LPA: variants seen among roughly 807,000 people sequenced by gnomAD.
LPA encodes the protein apolipoprotein(a).
Under a neutral mutation model 197.9 loss-of-function variants are expected in LPA, and 199 were observed. The observed-to-expected ratio is 1.01, with a 90% CI of 0.90 to 1.13. The LOEUF is 1.13. Among genes scored for constraint, LPA ranks in the 50% most tolerant of loss-of-function variants. The pLI is 0.00. For synonymous variants in LPA, 715 were observed against 639.5 expected (o/e 1.12, Z -1.78); for missense variants, 1,853 against 1,785.8 (o/e 1.04, Z -0.68).
At chr6:160,578,885 A>G (rs1778737428) in intron 26 of LPA, among the ~76,000 whole-genome samples, 181 bp from the exon 27 acceptor site, 1 of 152,246 alleles carries the variant, frequency 6.6e-6, no homozygotes, top group South Asian at 2.1e-4. Flanking sequence ...ACAACTGTGG[A>G]CACATCACAG....
intron 1 of LPA, among the ~76,000 whole-genome samples, chr6:160,659,689 G>A (rs1353695723): frequency 1.3e-5 from 2 of 152,186 alleles, no homozygotes; most frequent in African/African-American, 2.4e-5. Flanking sequence ...GAGAAGCACA[G>A]AGCCAACACT....
At chr6:160,609,646 C>A (rs928543373) in intron 16 of LPA, among the ~76,000 whole-genome samples, 2 of 152,088 alleles carry the variant, frequency 1.3e-5, no homozygotes, top group African/African-American at 4.8e-5. Flanking sequence ...CTACTCCAAA[C>A]TCCCTTGCTC....
In LPA at chr6:160,541,091, T is replaced by C. The variant is rs751136142; in HGVS notation, c.5594+16A>G. The C allele has an allele frequency of 1.2e-6, 2 of 1,612,292 alleles. No individual in the cohort carries two copies. Among genetic ancestry groups the C allele is most frequent in the Non-Finnish European group, 1.7e-6 (2 of 1,178,394 alleles). ...CTTGAAGATAAGACCCCATGTCAGT[T>C]TTCCCTTAAACGTACTTCTTCAAGC... is the stretch of plus-strand genomic sequence containing the variant. On this transcript the variant is annotated intron_variant, in intron 35 of 38. Coordinates refer to ENST00000316300, the MANE Select transcript of LPA (RefSeq NM_005577.4).
intron 36 of LPA, among the ~76,000 whole-genome samples, chr6:160,539,266 A>G (rs950046388): frequency 6.6e-6 from 1 of 152,186 alleles, no homozygotes; most frequent in Non-Finnish European, 1.5e-5. Flanking sequence ...CCTCTCCTAC[A>G]AATACTGTTT....
In LPA at chr6:160,548,520, T is replaced by C. The variant is rs1232923189; in HGVS notation, c.5113A>G (p.Thr1705Ala). The change falls in exon 31 of 39, where the codon ACT becomes GCT. Residue 1705 changes from threonine (T) to alanine (A), a missense_variant. By Grantham distance (58) the Thr-to-Ala change is moderately conservative. Coordinates refer to ENST00000316300, the MANE Select transcript of LPA (RefSeq NM_005577.4). ...CCTAGGCTTGGAACCTGGATGACAGTCGGAGGAGCGACCACAGTCCCTTCT... is the reference window on the plus strand; with the variant it reads ...CCTAGGCTTGGAACCTGGATGACAGCCGGAGGAGCGACCACAGTCCCTTCT... Reference protein sequence around the residue: ...DTEGTVVAPPTVIQVPSLGPP... With the variant: ...DTEGTVVAPPAVIQVPSLGPP... 2 of 1,613,988 alleles carry C rather than the reference T, an allele frequency of 1.2e-6. No homozygotes were observed. The highest frequency in any genetic ancestry group is 1.7e-6 in the Non-Finnish European group (2 of 1,179,992).
At position 160,540,194 on chromosome 6, in the gene LPA, T is replaced by C; in HGVS notation, c.5595-11A>G. ...GAAGGCCTTGAGGACCTAGAAAAGA[T>C]GAGGATGTCAAGAGAAAAATATGGT... On this transcript the variant is annotated splice_polypyrimidine_tract_variant and intron_variant, in intron 35 of 38. Transcript: ENST00000316300. 1.9e-6 allele frequency: 3 copies of C among 1,614,156 alleles called. No homozygotes were observed. The highest frequency in any genetic ancestry group is 1.1e-5 in the South Asian group (1 of 91,076).
At chr6:160,597,126 C>T (rs1285118479) in intron 20 of LPA, among the ~76,000 whole-genome samples, 1 of 152,152 alleles carries the variant, frequency 6.6e-6, no homozygotes, top group African/African-American at 2.4e-5. Context: ...ATGCTCCATG[C>T]ACACTTTAAT....
chr6:160,653,251 TAAC>T (rs1258700443), intron 1 of LPA, among the ~76,000 whole-genome samples: 7 of 152,186 alleles, frequency 4.6e-5, no homozygotes, highest in Admixed American at 4.6e-4. Context: ...TACACATGCC[TAAC>T]AACAGAGCTT....
chr6:160,545,376 G>GTTTTTTTTTTGT, intron 33 of LPA, 64 bp downstream of exon 33: 1 of 1,083,980 alleles, frequency 9.2e-7, no homozygotes. Flanking sequence ...TGTTTTTTTT[G>GTTTTTTTTTTGT]CTTTTTTTTT....
At chr6:160,603,592 C>T (rs111672621) in intron 18 of LPA, among the ~76,000 whole-genome samples, 1 of 152,092 alleles carries the variant, frequency 6.6e-6, no homozygotes, top group African/African-American at 2.4e-5. Context: ...TCATTTCTGT[C>T]ATTTCTAGGT....
intron 17 of LPA, among the ~76,000 whole-genome samples, chr6:160,606,095 G>A (rs1350562159): frequency 6.6e-6 from 1 of 152,218 alleles, no homozygotes; most frequent in East Asian, 1.9e-4. Context: ...CTGCAATGCT[G>A]AAGATTGCAC....
chr6:160,609,626 G>T (rs1416454129), intron 16 of LPA, among the ~76,000 whole-genome samples: 1 of 152,026 alleles, frequency 6.6e-6, no homozygotes, highest in Admixed American at 6.5e-5. Flanking sequence ...CGTGATTCCG[G>T]TATTTGTATC....
At chr6:160,553,495 A>G (rs2115008178) in intron 30 of LPA, among the ~76,000 whole-genome samples, 1 of 152,178 alleles carries the variant, frequency 6.6e-6, no homozygotes, top group Non-Finnish European at 1.5e-5. Flanking sequence ...ATGTCGTCCT[A>G]GGTTGATCTG....
intron 8 of LPA, among the ~76,000 whole-genome samples, chr6:160,631,972 T>G (rs1380756421): frequency 7.3e-6 from 1 of 137,258 alleles, no homozygotes; most frequent in South Asian, 2.1e-4. Context: ...TGCGTGTGTG[T>G]GAGTATGGGT....
At chr6:160,548,749 T>A in intron 30 of LPA, 90 bp from the exon 31 acceptor site, 1 of 1,345,168 alleles carries the variant, frequency 7.4e-7, no homozygotes, top group Non-Finnish European at 1.1e-6. Flanking sequence ...AACAAAGTCT[T>A]AACAAGTGTC....
rs770935162 is a variant in LPA, at chr6:160,600,960, C to T, written c.3084G>A (p.Pro1028=). Reference sequence around the variant, plus strand: ...CTAGGCTTGGAGCCAGAATAACATTCGGAGGGACGAAGGCAGTCCATTCTG... The same window carrying T: ...CTAGGCTTGGAGCCAGAATAACATTTGGAGGGACGAAGGCAGTCCATTCTG... The part of the protein sequence containing the change: ...SDAEWTAFVP[P]NVILAPSLEA... Residue 1028 remains proline, a synonymous_variant, in exon 19 of 39, where the codon CCG becomes CCA. Transcript: ENST00000316300. The T allele has an allele frequency of 3.7e-6, 6 of 1,613,418 alleles. No individual in the cohort carries two copies. The highest frequency in any genetic ancestry group is 2.7e-5 in the African/African-American group (2 of 74,898).
At chr6:160,609,346 T>C (rs1398005980) in intron 16 of LPA, among the ~76,000 whole-genome samples, 2 of 152,132 alleles carry the variant, frequency 1.3e-5, no homozygotes, top group Admixed American at 1.3e-4. Context: ...ATCATTTTAA[T>C]AATATTCCCT....
intron 29 of LPA, 41 bp from the exon 30 acceptor site, chr6:160,556,225 C>T (rs369328247): frequency 6.2e-7 from 1 of 1,602,088 alleles, no homozygotes; most frequent in Non-Finnish European, 8.5e-7. Context: ...TACTAGTATG[C>T]AGAAACATGT....
intron 28 of LPA, 137 bp downstream of exon 28, chr6:160,576,999 G>T: frequency 1.0e-6 from 1 of 998,214 alleles, no homozygotes; most frequent in African/African-American, 1.6e-5. Context: ...TTGCTCAAAA[G>T]CAAAGGTCCT....
Sources: gnomAD v4.1 joint callset for allele counts (sites outside exome capture counted in the v4.1 genomes callset) on GRCh38, gnomAD v4.1.1 for gene constraint, MANE v1.5 for transcripts, NCBI Gene and HGNC (gene_info 2026-07-23, HGNC 2026-07-21) for gene names.